Variants in PHYH observed in about 807,000 individuals in gnomAD.
PHYH encodes phytanoyl-CoA 2-hydroxylase, also known as phytanoyl-CoA dioxygenase, peroxisomal.
Under a neutral mutation model 38.5 loss-of-function variants are expected in PHYH, and 32 were observed. The observed-to-expected ratio is 0.83, with a 90% CI of 0.63 to 1.12. The LOEUF (loss-of-function observed/expected upper bound fraction) is 1.12, where lower values mean the gene tolerates loss of function less well. PHYH is among the 50% of genes most tolerant of loss of function. The pLI is 0.00. For missense variants in PHYH, 426 were observed against 434.8 expected (o/e 0.98, Z 0.18); for synonymous variants, 166 against 157.9 (o/e 1.05, Z -0.38).
In PHYH at chr10:13,299,962, G is replaced by C; in HGVS notation, c.75+6C>G. The C allele has an allele frequency of 6.5e-7, 1 of 1,528,948 alleles. No homozygotes were observed. The allele number at this position is 1,528,948 out of a possible 1,614,324, so 94.7% of individuals were successfully genotyped here. A position where few individuals can be genotyped will look rare whatever the true frequency, so the allele number is the denominator to read the frequency against. Reference sequence around the variant, plus strand: ...CAGCCCGAGCCCCGCGCAGCCCAAAGGATACGACAGCCCCGGCCGAGGGGC... The same window carrying C: ...CAGCCCGAGCCCCGCGCAGCCCAAACGATACGACAGCCCCGGCCGAGGGGC... On this transcript the variant is annotated splice_donor_region_variant and intron_variant, in intron 1 of 8. Transcript: ENST00000263038.
chr10:13,298,937 T>A (rs866361781), intron 1 of PHYH, among the ~76,000 whole-genome samples: 14 of 61,316 alleles, frequency 2.3e-4, no homozygotes, highest in African/African-American at 4.6e-4. Context: ...ATAATAATAA[T>A]AATAATAATA....
At position 13,299,957 on chromosome 10, in the gene PHYH, C is replaced by T; in HGVS notation, c.75+11G>A. On this transcript the variant is annotated intron_variant, in intron 1 of 8. Coordinates refer to ENST00000263038, the MANE Select transcript of PHYH (RefSeq NM_006214.4). ...GGATCCAGCCCGAGCCCCGCGCAGCCCAAAGGATACGACAGCCCCGGCCGA... is the reference window on the plus strand; with the variant it reads ...GGATCCAGCCCGAGCCCCGCGCAGCTCAAAGGATACGACAGCCCCGGCCGA... 1.3e-6 allele frequency: 2 copies of T among 1,526,154 alleles called. No homozygotes were observed. Among genetic ancestry groups the T allele is most frequent in the Non-Finnish European group, 1.8e-6 (2 of 1,142,262 alleles). The allele number at this position is 1,526,154 out of a possible 1,614,324, so 94.5% of individuals were successfully genotyped here.
Position 13,298,242 on chromosome 10 carries a change from C to G in PHYH, c.79G>C (p.Ala27Pro). ...LGRPSAGAVV[A>P]HPTSGTISSA... The stretch of plus-strand genomic sequence containing the variant: ...GAAATAGTCCCTGAAGTGGGATGAG[C>G]TACCTAGGATGTGAATTAAGGCAAA... The change falls in exon 2 of 9, where the codon GCT becomes CCT. Residue 27 changes from alanine (A) to proline (P), a missense_variant. Coordinates refer to ENST00000263038, the MANE Select transcript of PHYH (RefSeq NM_006214.4). 1 of 1,594,932 alleles carries G rather than the reference C, an allele frequency of 6.3e-7. No homozygotes were observed.
rs770346220 is a variant in PHYH at position 13,283,700 on chromosome 10, C to A, written c.818G>T (p.Gly273Val). ...IHGSGQNKTQ[G>V]FRKAISCHFA... ...AATGTGAATGCTTACCTTCCGGAAT[C>A]CCTGGGTTTTATTCTGACCAGATCC... The change falls in exon 7 of 9, where the codon GGA becomes GTA. Residue 273 changes from glycine (G) to valine (V), a missense_variant. Transcript: ENST00000263038. 1 of 1,614,124 alleles carries A rather than the reference C, an allele frequency of 6.2e-7. No individual in the cohort carries two copies. Among genetic ancestry groups the A allele is most frequent in the South Asian group, 1.1e-5 (1 of 91,078 alleles).
chr10:13,294,885 GC>G (rs1438325699), intron 3 of PHYH: 2 of 436,182 alleles, frequency 4.6e-6, no homozygotes, highest in African/African-American at 2.0e-5. Context: ...CTTACCATGT[GC>G]CCAGCTCTCT....
At chr10:13,287,044 A>T (rs4750342) in intron 6 of PHYH, among the ~76,000 whole-genome samples, 1 of 151,976 alleles carries the variant, frequency 6.6e-6, no homozygotes, top group Non-Finnish European at 1.5e-5. Context: ...TTTGTTTTTT[A>T]ATTAAAAGCT....
In PHYH at chr10:13,288,340, C is replaced by T. The variant is rs1415611325; in HGVS notation, c.678+20G>A. 2.5e-6 allele frequency: 4 copies of T among 1,612,124 alleles called. No individual in the cohort carries two copies. The highest frequency in any genetic ancestry group is 3.4e-6 in the Non-Finnish European group (4 of 1,179,122). ...TGCGAAGGAGATTCGGATCAAGACT[C>T]AGCCGCCGGGCAGACCTACCTCCCA... On this transcript the variant is annotated intron_variant, in intron 6 of 8. Transcript: ENST00000263038.
chr10:13,294,613 G>A lies in PHYH; in HGVS notation c.246-17C>T, dbSNP rs1460683816. On this transcript the variant is annotated splice_polypyrimidine_tract_variant and intron_variant, in intron 3 of 8. Coordinates refer to ENST00000263038, the MANE Select transcript of PHYH (RefSeq NM_006214.4). ...AACTCATTCCTAGAAAATTTAATTTGCAAATGATGTCGTTACCGCTGGCTC... is the reference window on the plus strand; with the variant it reads ...AACTCATTCCTAGAAAATTTAATTTACAAATGATGTCGTTACCGCTGGCTC... The A allele has an allele frequency of 1.9e-6, 3 of 1,612,240 alleles. No individual in the cohort carries two copies. In the African/African-American group the frequency reaches 4.0e-5, roughly 22 times the overall value.
intron 2 of PHYH, among the ~76,000 whole-genome samples, chr10:13,297,489 T>C (rs1023716690): frequency 6.6e-6 from 1 of 152,166 alleles, no homozygotes; most frequent in Non-Finnish European, 1.5e-5. Context: ...AGTCTGGCTC[T>C]ATCACCCAGG....
intron 7 of PHYH, among the ~76,000 whole-genome samples, chr10:13,283,274 C>T (rs759956099): frequency 4.6e-5 from 7 of 151,788 alleles, no homozygotes; most frequent in Non-Finnish European, 8.8e-5. Context: ...GGACTACAGG[C>T]GCCCGCCACC....
chr10:13,298,161 T>G, intron 2 of PHYH, 26 bp downstream of exon 2: 1 of 1,481,270 alleles, frequency 6.8e-7, no homozygotes, highest in Non-Finnish European at 9.4e-7. Context: ...ATAATATATT[T>G]CAAAATCAAA....
At chr10:13,295,640 AT>A in intron 2 of PHYH, 34 bp from the exon 3 acceptor site, 1 of 913,290 alleles carries the variant, frequency 1.1e-6, no homozygotes, top group South Asian at 1.3e-5. Context: ...AATAAGTTAC[AT>A]TTTTAAATTA....
At chr10:13,293,294 TTTTTTG>T (rs1241271322) in intron 4 of PHYH, among the ~76,000 whole-genome samples, 16 of 152,002 alleles carry the variant, frequency 1.1e-4, no homozygotes, top group South Asian at 2.1e-4. Context: ...TTGTTTTTTG[TTTTTTG>T]TTTTTGTTTT....
intron 6 of PHYH, among the ~76,000 whole-genome samples, chr10:13,286,831 G>C (rs1433129572): frequency 2.0e-5 from 3 of 152,120 alleles, no homozygotes; most frequent in African/African-American, 7.2e-5. Flanking sequence ...ACATGTCTAT[G>C]ACATTTTAGA....
At chr10:13,280,929 A>C in intron 8 of PHYH, 47 bp downstream of exon 8, 1 of 1,581,912 alleles carries the variant, frequency 6.3e-7, no homozygotes, top group South Asian at 1.1e-5. Context: ...GCATCTGAAG[A>C]AAAGAAAAAC....
intron 2 of PHYH, among the ~76,000 whole-genome samples, chr10:13,296,453 TC>T (rs778974220): frequency 2.8e-4 from 42 of 149,660 alleles, no homozygotes; most frequent in Non-Finnish European, 5.0e-4. Flanking sequence ...TCCCAGCTAC[TC>T]AAGAGGATGA....
rs1835616445 is a variant in PHYH, at chr10:13,288,495, G to A, written c.543C>T (p.Phe181=). Reference sequence around the variant, plus strand: ...CGATGAGATCGCTGGGCCTGAAGGGGAAATAGTGCAGGTCCTGGTGCAGGG... The same window carrying A: ...CGATGAGATCGCTGGGCCTGAAGGGAAAATAGTGCAGGTCCTGGTGCAGGG... The part of the protein sequence containing the change: ...RHPLHQDLHY[F]PFRPSDLIVC... The change falls in exon 6 of 9, where the codon TTC becomes TTT. Residue 181 remains phenylalanine (F), a synonymous_variant. Coordinates refer to ENST00000263038, the MANE Select transcript of PHYH (RefSeq NM_006214.4). 6.2e-7 allele frequency: 1 copy of A among 1,614,204 alleles called. No individual in the cohort carries two copies. Among genetic ancestry groups the A allele is most frequent in the East Asian group, 2.2e-5 (1 of 44,880 alleles).
chr10:13,283,542 G>T lies in PHYH; in HGVS notation c.828+148C>A. The T allele has an allele frequency of 3.7e-6, 3 of 808,798 alleles. No individual in the cohort carries two copies. In the South Asian group the frequency reaches 4.4e-5, roughly 12 times the overall value. 50.1% of individuals were successfully genotyped at this position (808,798 alleles called of 1,614,324 possible). On this transcript the variant is annotated intron_variant, in intron 7 of 8. Coordinates refer to ENST00000263038, the MANE Select transcript of PHYH (RefSeq NM_006214.4). Reference sequence around the variant, plus strand: ...TTCCTGGTAAATAAACTGGACTAAAGTCCAGGTTGGTTAAAAGCCACAAAT... The same window carrying T: ...TTCCTGGTAAATAAACTGGACTAAATTCCAGGTTGGTTAAAAGCCACAAAT...
At chr10:13,284,473 G>T (rs1482365618) in intron 6 of PHYH, among the ~76,000 whole-genome samples, 1 of 152,176 alleles carries the variant, frequency 6.6e-6, no homozygotes, top group Non-Finnish European at 1.5e-5. Context: ...TGTGGTTAAT[G>T]CAGGCAACCA....
Sources: allele counts gnomAD v4.1 joint callset (sites outside exome capture counted in the v4.1 genomes callset), GRCh38; gene constraint gnomAD v4.1.1; transcripts MANE v1.5; gene names NCBI Gene and HGNC (gene_info 2026-07-23, HGNC 2026-07-21).